SFXN4: variants seen among roughly 807,000 people sequenced by gnomAD.
SFXN4 encodes sideroflexin-4.
Under a neutral mutation model 54.6 loss-of-function variants are expected in SFXN4, and 48 were observed. The observed-to-expected ratio is 0.88, with a 90% CI of 0.70 to 1.12. The LOEUF is 1.12. Among genes scored for constraint, SFXN4 ranks in the 50% most tolerant of loss-of-function variants. The pLI, the probability that SFXN4 is intolerant of heterozygous loss-of-function variation, is 0.00. For missense variants in SFXN4, 383 were observed against 409.2 expected, an observed-to-expected ratio of 0.94 and a Z score of 0.55; for synonymous variants, 130 against 145.5, an observed-to-expected ratio of 0.89 and a Z score of 0.77.
At chr10:119,146,438 TGTGTGTGTGTGTGTGTGTGTGTGCAC>T (rs1358142526) in intron 12 of SFXN4, 85 bp from the exon 13 acceptor site, 33 of 540,784 alleles carry the variant, frequency 6.1e-5, no homozygotes, top group South Asian at 4.9e-4. Context: ...CGTGTGTGTG[TGTGTGTGTGTGTGTGTGTGTGTGCAC>T]GTGTGTGTGT....
At chr10:119,153,165 C>T (rs918545974) in intron 11 of SFXN4, among the ~76,000 whole-genome samples, 1 of 152,082 alleles carries the variant, frequency 6.6e-6, no homozygotes, top group African/African-American at 2.4e-5. Context: ...AATCCCAGCA[C>T]TTTGGGAGGC....
chr10:119,147,904 C>T (rs1184231961), intron 11 of SFXN4, 44 bp from the exon 12 acceptor site: 2 of 1,528,794 alleles, frequency 1.3e-6, no homozygotes, highest in Non-Finnish European at 9.1e-7. Context: ...GGCACGGTGG[C>T]TCACGCCTGT....
At chr10:119,149,845 C>T (rs983892320) in intron 11 of SFXN4, among the ~76,000 whole-genome samples, 1 of 152,176 alleles carries the variant, frequency 6.6e-6, no homozygotes, top group Non-Finnish European at 1.5e-5. Context: ...GCTGTGTGTC[C>T]ACATCAGTGG....
chr10:119,160,830 C>A (rs1366121790), intron 5 of SFXN4, 85 bp downstream of exon 5: 1 of 1,387,076 alleles, frequency 7.2e-7, no homozygotes, highest in African/African-American at 1.4e-5. Context: ...GAACTCCTGA[C>A]CCCAGGTGAT....
Position 119,161,095 on chromosome 10 carries a change from A to G in SFXN4, c.253-14T>C. 1 of 1,613,706 alleles carries G rather than the reference A, an allele frequency of 6.2e-7. No homozygotes were observed. Among genetic ancestry groups the G allele is most frequent in the Non-Finnish European group, 8.5e-7 (1 of 1,179,688 alleles). On this transcript the variant is annotated splice_polypyrimidine_tract_variant and intron_variant, in intron 3 of 13. Coordinates refer to ENST00000355697, the MANE Select transcript of SFXN4 (RefSeq NM_213649.2). ...AGCTTCTTGTATCTTAAAGGAGAAAAAAGAATAGCTTTGTTTCATTTTAAA... is the reference window on the plus strand; with the variant it reads ...AGCTTCTTGTATCTTAAAGGAGAAAGAAGAATAGCTTTGTTTCATTTTAAA...
rs1000412845 is a variant in SFXN4 at position 119,165,183 on chromosome 10, C to T, written c.111+354G>A. The T allele has an allele frequency of 1.7e-5, 18 of 1,042,080 alleles. No homozygotes were observed. The Admixed American group carries it at 6.9e-4, about 40-fold the overall frequency. 64.6% of individuals were successfully genotyped at this position (1,042,080 alleles called of 1,614,324 possible). ...CTTCCCAAAGCCTCGGGGGTCTCAC[C>T]GAAAGTGGCTGAGCTTACCAAGGTG... On this transcript the variant is annotated intron_variant, in intron 1 of 13. Transcript: ENST00000355697.
chr10:119,156,143 C>T (rs117656471), intron 10 of SFXN4, among the ~76,000 whole-genome samples: 2,052 of 152,264 alleles, frequency 0.013, 52 homozygotes, highest in East Asian at 0.085. Flanking sequence ...AAATGTAGGG[C>T]CAGGCGCGGT....
chr10:119,163,870 GTC>G (rs1412621055), intron 2 of SFXN4, among the ~76,000 whole-genome samples: 4 of 151,600 alleles, frequency 2.6e-5, no homozygotes, highest in Non-Finnish European at 5.9e-5. Flanking sequence ...AGAAACCCCC[GTC>G]TCTACTAAAA....
intron 1 of SFXN4, 24 bp downstream of exon 1, chr10:119,165,513 A>G (rs1376244044): frequency 6.4e-7 from 1 of 1,553,102 alleles, no homozygotes; most frequent in East Asian, 2.6e-5. Context: ...CCCTGCCCCT[A>G]GTCGCGCCGG....
chr10:119,157,453 A>G (rs1847319037), intron 9 of SFXN4, among the ~76,000 whole-genome samples: 1 of 151,592 alleles, frequency 6.6e-6, no homozygotes, highest in Non-Finnish European at 1.5e-5. Flanking sequence ...AAAAGAAAAT[A>G]GAAAAAAATA....
At chr10:119,162,251 A>C (rs1467758857) in intron 3 of SFXN4, 89 bp downstream of exon 3, 9 of 999,388 alleles carry the variant, frequency 9.0e-6, no homozygotes, top group Middle Eastern at 2.1e-4. Flanking sequence ...ACGGAGACAG[A>C]GATTAATGGC....
chr10:119,159,524 G>C (rs562584951), intron 6 of SFXN4, among the ~76,000 whole-genome samples: 6 of 140,060 alleles, frequency 4.3e-5, no homozygotes, highest in African/African-American at 1.5e-4. Flanking sequence ...CCGGATGCCT[G>C]ACTGGGAGGG....
chr10:119,157,356 A>G (rs1847314540), intron 9 of SFXN4, among the ~76,000 whole-genome samples: 1 of 151,192 alleles, frequency 6.6e-6, no homozygotes, highest in African/African-American at 2.4e-5. Flanking sequence ...ACTTGAACCC[A>G]GGAGGCAGAG....
At chr10:119,148,413 CA>C (rs1457545204) in intron 11 of SFXN4, among the ~76,000 whole-genome samples, 2 of 152,106 alleles carry the variant, frequency 1.3e-5, no homozygotes, top group Non-Finnish European at 2.9e-5. Context: ...TAAGTACAAG[CA>C]AAGGTGGCTT....
chr10:119,156,852 T>C, intron 9 of SFXN4, 96 bp from the exon 10 acceptor site: 1 of 845,786 alleles, frequency 1.2e-6, no homozygotes, highest in South Asian at 1.5e-5. Flanking sequence ...TAGTTCCTAT[T>C]ACAAGTCAGA....
At chr10:119,159,649 G>A (rs1847435462) in intron 6 of SFXN4, 79 bp downstream of exon 6, 5 of 1,452,238 alleles carry the variant, frequency 3.4e-6, no homozygotes, top group African/African-American at 1.4e-5. Flanking sequence ...GGAGCTGGAG[G>A]GACACAGCTG....
At chr10:119,141,357 G>T in intron 13 of SFXN4, 38 bp from the exon 14 acceptor site, 1 of 1,335,398 alleles carries the variant, frequency 7.5e-7, no homozygotes, top group Non-Finnish European at 1.1e-6. Context: ...TCTATTAATA[G>T]TTTTTCTTGC....
At chr10:119,156,024 T>C (rs1847266016) in intron 10 of SFXN4, among the ~76,000 whole-genome samples, 1 of 152,330 alleles carries the variant, frequency 6.6e-6, no homozygotes, top group Admixed American at 6.5e-5. Context: ...TTAACCTCCC[T>C]GTGCCTCAGT....
chr10:119,148,140 C>T (rs569111065), intron 11 of SFXN4, among the ~76,000 whole-genome samples: 32 of 152,238 alleles, frequency 2.1e-4, no homozygotes, highest in Non-Finnish European at 3.7e-4. Context: ...CCACTGCACT[C>T]CAGATTGGGC....
Sources: gnomAD v4.1 joint callset for allele counts (sites outside exome capture counted in the v4.1 genomes callset) on GRCh38, gnomAD v4.1.1 for gene constraint, MANE v1.5 for transcripts, NCBI Gene and HGNC (gene_info 2026-07-23, HGNC 2026-07-21) for gene names.